Variants in NAPG observed in about 807,000 individuals in gnomAD.
The protein encoded by NAPG is gamma-soluble NSF attachment protein.
NAPG carries 25 observed loss-of-function variants against 48.4 expected under a neutral mutation model. The observed-to-expected ratio is 0.52, with a 90% CI of 0.38 to 0.72. The LOEUF is 0.72. Ranked by LOEUF, NAPG falls within the 30% of genes least tolerant of loss-of-function variation. NAPG has a pLI of 0.00. For synonymous variants in NAPG, 139 were observed against 127.2 expected, an observed-to-expected ratio of 1.09 and a Z score of -0.62; for missense variants, 359 against 372.5, an observed-to-expected ratio of 0.96 and a Z score of 0.30.
intron 5 of NAPG, among the ~76,000 whole-genome samples, chr18:10,535,907 A>G (rs768195815): frequency 9.9e-5 from 15 of 152,250 alleles, no homozygotes; most frequent in Non-Finnish European, 1.2e-4. Context: ...TATTAACCAC[A>G]GTTCCTTTGA....
At chr18:10,537,519 G>C (rs2032060851) in intron 5 of NAPG, among the ~76,000 whole-genome samples, 1 of 152,158 alleles carries the variant, frequency 6.6e-6, no homozygotes, top group Admixed American at 6.6e-5. Flanking sequence ...TGGTTTTGCT[G>C]TCTCAGGTGG....
rs1404480065 is a variant in NAPG at position 10,549,226 on chromosome 18, A to G, written c.795+130A>G. 2.6e-5 allele frequency: 27 copies of G among 1,051,734 alleles called. No individual in the cohort carries two copies. In the Admixed American group the frequency reaches 2.7e-4, roughly 10 times the overall value. The allele number at this position is 1,051,734 out of a possible 1,614,324, so 65.2% of individuals were successfully genotyped here. A position where few individuals can be genotyped will look rare whatever the true frequency, so the allele number is the denominator to read the frequency against. On this transcript the variant is annotated intron_variant, in intron 11 of 11. Transcript: ENST00000322897. Reference sequence around the variant, plus strand: ...TTTTTTTCTTCTCAAGCTACTACTCATAAGGAAACTGACCACTTGCATTGA... The same window carrying G: ...TTTTTTTCTTCTCAAGCTACTACTCGTAAGGAAACTGACCACTTGCATTGA...
chr18:10,548,077 G>C lies in NAPG; in HGVS notation c.586-222G>C, dbSNP rs1252047372. 6.6e-6 allele frequency among the ~76,000 whole-genome samples: 1 copy of C among 152,192 alleles called. No homozygotes were observed. Among genetic ancestry groups the C allele is most frequent in the African/African-American group, 2.4e-5 (1 of 41,454 alleles). The stretch of plus-strand genomic sequence containing the variant: ...TTTGTTAGAAATGGGTGAATCCCAG[G>C]CTTGCCCCTAGCAGCCAAATTCCAG... On this transcript the variant is annotated intron_variant, in intron 9 of 11. Coordinates refer to ENST00000322897, the MANE Select transcript of NAPG (RefSeq NM_003826.3). The surrounding 1 kb of genome is among the most constrained non-coding windows in gnomAD (Gnocchi z 4.4).
At chr18:10,532,219 T>TTA (rs1567888281) in intron 2 of NAPG, among the ~76,000 whole-genome samples, 1 of 152,100 alleles carries the variant, frequency 6.6e-6, no homozygotes, top group African/African-American at 2.4e-5. Flanking sequence ...ATTGTTTTTT[T>TTA]AAAAAAATGC....
Position 10,546,611 on chromosome 18 carries a change from A to C in NAPG, c.585+207A>C, listed in dbSNP as rs1468452868. On this transcript the variant is annotated intron_variant, in intron 9 of 11. Transcript: ENST00000322897. This position sits in a 1 kb window ranked among gnomAD's most constrained non-coding sequence, Gnocchi z 4.0. ...AGCTAAACTACTGGATAAAATACAA[A>C]AGCAACCACCCTTGAACTCTGAAAA... is the stretch of plus-strand genomic sequence containing the variant. 6.6e-6 allele frequency among the ~76,000 whole-genome samples: 1 copy of C among 152,222 alleles called. No individual in the cohort carries two copies. The highest frequency in any genetic ancestry group is 2.4e-5 in the African/African-American group (1 of 41,460).
In NAPG at chr18:10,548,825, C is replaced by A; in HGVS notation, c.666-142C>A. On this transcript the variant is annotated intron_variant, in intron 10 of 11. Transcript: ENST00000322897. The surrounding 1 kb of genome is among the most constrained non-coding windows in gnomAD (Gnocchi z 4.4). The stretch of plus-strand genomic sequence containing the variant: ...GTTAGCGGGATCCCCGGTCTCTGCC[C>A]TCTAGATGCCACTAGCATTCCCACA... The A allele has an allele frequency of 9.6e-7, 1 of 1,041,786 alleles. No individual in the cohort carries two copies. The highest frequency in any genetic ancestry group is 1.4e-6 in the Non-Finnish European group (1 of 732,886). The allele number at this position is 1,041,786 out of a possible 1,614,324, so 64.5% of individuals were successfully genotyped here. A position where few individuals can be genotyped will look rare whatever the true frequency, so the allele number is the denominator to read the frequency against.
intron 1 of NAPG, 171 bp downstream of exon 1, chr18:10,526,329 G>A (rs972039912): frequency 6.2e-6 from 4 of 648,732 alleles, no homozygotes; most frequent in African/African-American, 1.9e-5. Flanking sequence ...CACTCCCGGG[G>A]TCGGGGTCAG....
At chr18:10,530,931 T>C (rs509370) in intron 2 of NAPG, 94 bp downstream of exon 2, 496,656 of 989,308 alleles carry the variant, frequency 0.5, 128,230 homozygotes, top group African/African-American at 0.75. Context: ...ATGCTTTCTA[T>C]AAGGCTTTAA....
Position 10,540,368 on chromosome 18 carries a change from A to G in NAPG, c.475A>G (p.Lys159Glu). 1 of 1,613,808 alleles carries G rather than the reference A, an allele frequency of 6.2e-7. No individual in the cohort carries two copies. Among genetic ancestry groups the G allele is most frequent in the Non-Finnish European group, 8.5e-7 (1 of 1,179,782 alleles). Residue 159 changes from lysine (K) to glutamate (E), a missense_variant, in exon 8 of 12, where the codon AAA becomes GAA. Coordinates refer to ENST00000322897, the MANE Select transcript of NAPG (RefSeq NM_003826.3). ...ACGACAGGCAGTTGAATTACTAGGA[A>G]AAGCCTCCAGACTACTAGTACGAGG... is the stretch of plus-strand genomic sequence containing the variant. ...RLRQAVELLGKASRLLVRGRR... is the reference protein window; with the variant it reads ...RLRQAVELLGEASRLLVRGRR...
Position 10,526,352 on chromosome 18 carries a change from T to G in NAPG, c.56+194T>G. The G allele has an allele frequency of 8.7e-6, 5 of 572,838 alleles. No homozygotes were observed. In the South Asian group the frequency reaches 1.1e-4, roughly 13 times the overall value. The allele number at this position is 572,838 out of a possible 1,614,324, so 35.5% of individuals were successfully genotyped here. A position where few individuals can be genotyped will look rare whatever the true frequency, so the allele number is the denominator to read the frequency against. The stretch of plus-strand genomic sequence containing the variant: ...GGGTCGGGGTCAGCTCTGCGGCGCC[T>G]CGGGAAGCGCCGTGGGTCCACCCCG... On this transcript the variant is annotated intron_variant, in intron 1 of 11. Transcript: ENST00000322897.
chr18:10,535,791 A>C (rs2032019980), intron 5 of NAPG, among the ~76,000 whole-genome samples: 1 of 152,210 alleles, frequency 6.6e-6, no homozygotes. Flanking sequence ...AAAGTGTTTA[A>C]ATAAATTATG....
chr18:10,539,351 C>A lies in NAPG; in HGVS notation c.259-411C>A, dbSNP rs1017147907. 2.7e-5 allele frequency: 5 copies of A among 182,364 alleles called. No homozygotes were observed. Among genetic ancestry groups the A allele is most frequent in the Admixed American group, 1.1e-4 (2 of 18,170 alleles). The allele number at this position is 182,364 out of a possible 1,614,324, so 11.3% of individuals were successfully genotyped here. A position where few individuals can be genotyped will look rare whatever the true frequency, so the allele number is the denominator to read the frequency against. On this transcript the variant is annotated intron_variant, in intron 5 of 11. Coordinates refer to ENST00000322897, the MANE Select transcript of NAPG (RefSeq NM_003826.3). The surrounding 1 kb of genome is among the most constrained non-coding windows in gnomAD (Gnocchi z 4.7). The stretch of plus-strand genomic sequence containing the variant: ...CTGTAAAAAAGAATGAGATCATGTC[C>A]TTTGCAGGGACATGGATGAAGCTGG...
At chr18:10,549,937 G>C (rs1380512562) in intron 11 of NAPG, 140 bp from the exon 12 acceptor site, 4 of 776,342 alleles carry the variant, frequency 5.2e-6, no homozygotes, top group Admixed American at 8.5e-5. Context: ...GAGCAGCATT[G>C]TTGGGCTTTG....
At chr18:10,536,420 A>G (rs1039490933) in intron 5 of NAPG, among the ~76,000 whole-genome samples, 1 of 152,196 alleles carries the variant, frequency 6.6e-6, no homozygotes, top group Non-Finnish European at 1.5e-5. Flanking sequence ...TTGTAGACAT[A>G]TGCACAAGGG....
chr18:10,545,138 C>G (rs2032235873), intron 8 of NAPG, among the ~76,000 whole-genome samples: 1 of 152,054 alleles, frequency 6.6e-6, no homozygotes, highest in Admixed American at 6.5e-5. Flanking sequence ...ATAGCGAAAC[C>G]CCATCTCTAT....
At chr18:10,531,515 G>A (rs1335611855) in intron 2 of NAPG, among the ~76,000 whole-genome samples, 2 of 152,146 alleles carry the variant, frequency 1.3e-5, no homozygotes, top group African/African-American at 2.4e-5. Context: ...GTATTTCAGC[G>A]ATAGCCCTTA....
intron 1 of NAPG, among the ~76,000 whole-genome samples, chr18:10,527,297 G>A (rs1234002650): frequency 6.6e-6 from 1 of 151,994 alleles, no homozygotes; most frequent in Non-Finnish European, 1.5e-5. Context: ...TCCAAATAGA[G>A]ATTCTAATTT....
chr18:10,530,906 A>C, intron 2 of NAPG, 69 bp downstream of exon 2: 1 of 1,208,662 alleles, frequency 8.3e-7, no homozygotes, highest in East Asian at 2.7e-5. Flanking sequence ...TCATTTCACC[A>C]TAATACTTAC....
rs2031800137 is a variant in NAPG at position 10,526,079 on chromosome 18, C to T, written c.-24C>T. 1.2e-6 allele frequency: 2 copies of T among 1,612,150 alleles called. No homozygotes were observed. Among genetic ancestry groups the T allele is most frequent in the South Asian group, 2.2e-5 (2 of 91,046 alleles). On this transcript the variant is annotated 5_prime_UTR_variant, in exon 1 of 12. Transcript: ENST00000322897. ...GGAAGAGGCAGGGTCACCCTCTCTC[C>T]ACGTCAGAGACCTGACTGTGGAGAT...
Sources: gnomAD v4.1 joint callset for allele counts (sites outside exome capture counted in the v4.1 genomes callset) on GRCh38, gnomAD v4.1.1 for gene constraint, Gnocchi (gnomAD v3.1) non-coding constraint, MANE v1.5 for transcripts, NCBI Gene and HGNC (gene_info 2026-07-23, HGNC 2026-07-21) for gene names.